Variants in CACNG3 observed in about 807,000 individuals in gnomAD.
The protein encoded by CACNG3 is voltage-dependent calcium channel gamma-3 subunit.
A neutral mutation model predicts 28.5 loss-of-function variants in CACNG3; 3 were observed. The observed-to-expected ratio is 0.11, with a 90% CI of 0.05 to 0.27. CACNG3 has a LOEUF of 0.27. CACNG3 is among the 10% of genes least tolerant of loss of function. CACNG3 has a pLI of 1.00. For synonymous variants in CACNG3, 174 were observed against 162.2 expected (o/e 1.07, Z -0.55); for missense variants, 236 against 414.4 (o/e 0.57, Z 3.74).
At chr16:24,289,663 A>G (rs1479039709) in intron 1 of CACNG3, among the ~76,000 whole-genome samples, 1 of 152,188 alleles carries the variant, frequency 6.6e-6, no homozygotes, top group Non-Finnish European at 1.5e-5. Flanking sequence ...GGGGTAGTCC[A>G]TGAAGGTACC....
chr16:24,319,019 T>C (rs933820129), intron 1 of CACNG3, among the ~76,000 whole-genome samples: 1 of 152,226 alleles, frequency 6.6e-6, no homozygotes, highest in Non-Finnish European at 1.5e-5. Flanking sequence ...TTTGTTTTCA[T>C]TGTGTTTATT....
chr16:24,296,977 G>A (rs982627522), intron 1 of CACNG3, among the ~76,000 whole-genome samples: 2 of 152,112 alleles, frequency 1.3e-5, no homozygotes, highest in Non-Finnish European at 2.9e-5. Context: ...TAAAAATATT[G>A]ACGTTAGTTG....
At chr16:24,307,588 A>G (rs1452914340) in intron 1 of CACNG3, among the ~76,000 whole-genome samples, 1 of 152,132 alleles carries the variant, frequency 6.6e-6, no homozygotes, top group Non-Finnish European at 1.5e-5. Flanking sequence ...CTGGTATGCA[A>G]ATCTCTGTCC....
chr16:24,322,601 A>G (rs866877122), intron 1 of CACNG3, among the ~76,000 whole-genome samples: 2 of 152,232 alleles, frequency 1.3e-5, no homozygotes, highest in Middle Eastern at 3.4e-3. Context: ...AAGAAAAAAA[A>G]AGTAAAACTC....
At chr16:24,261,045 T>A (rs2040730) in intron 1 of CACNG3, among the ~76,000 whole-genome samples, 11,414 of 152,240 alleles carry the variant, frequency 0.075, 1,057 homozygotes, top group East Asian at 0.3. Context: ...CCCATTTCCA[T>A]AACAACAGTT....
rs1567217503 is a variant in CACNG3 at position 24,317,621 on chromosome 16, AGAAAGACAGAC to A, written c.212-29112_212-29102del. 1.4e-3 allele frequency among the ~76,000 whole-genome samples: 83 copies of A among 61,366 alleles called. 1 individual carries two copies. The highest frequency in any genetic ancestry group is 4.0e-3 in the African/African-American group (57 of 14,148). The allele number at this position is 61,366 out of a possible 152,430, so 40.3% of individuals were successfully genotyped here. On this transcript the variant is annotated intron_variant, in intron 1 of 3. Transcript: ENST00000005284. ...AAGAAAGAAAGAAAGAAAGAAAGAA[AGAAAGACAGAC>A]AGAAAGAAAGAAAAGAAAAGAAAGA...
At chr16:24,270,483 A>G (rs1300915919) in intron 1 of CACNG3, among the ~76,000 whole-genome samples, 2 of 152,240 alleles carry the variant, frequency 1.3e-5, no homozygotes, top group African/African-American at 4.8e-5. Flanking sequence ...TCAAGAGGCA[A>G]TGATGTTAAT....
At chr16:24,316,067 G>T (rs187312548) in intron 1 of CACNG3, among the ~76,000 whole-genome samples, 1 of 152,070 alleles carries the variant, frequency 6.6e-6, no homozygotes, top group Non-Finnish European at 1.5e-5. Flanking sequence ...TAGTGAGCCC[G>T]TATTATTATT....
At chr16:24,322,695 C>T (rs1899480888) in intron 1 of CACNG3, among the ~76,000 whole-genome samples, 1 of 152,150 alleles carries the variant, frequency 6.6e-6, no homozygotes. Flanking sequence ...CCTCCCCAAC[C>T]CACAGAGGTT....
rs72781868 is a variant in CACNG3, at chr16:24,352,166, G to A, written c.296-2667G>A. On this transcript the variant is annotated intron_variant, in intron 2 of 3. Coordinates refer to ENST00000005284, the MANE Select transcript of CACNG3 (RefSeq NM_006539.4). ...AAACTGAAAACACAAACAAGCAAAC[G>A]AATGAAAGTGCAGTACCAAATGAAA... 9.9e-3 allele frequency among the ~76,000 whole-genome samples: 1,507 copies of A among 151,880 alleles called. 9 individuals carry two copies. Among genetic ancestry groups the A allele is most frequent in the Non-Finnish European group, 0.015 (1,019 of 67,936 alleles).
chr16:24,317,620 AAGAAAG>A (rs1899382160), intron 1 of CACNG3, among the ~76,000 whole-genome samples: 1 of 60,426 alleles, frequency 1.7e-5, no homozygotes, highest in Non-Finnish European at 3.3e-5. Context: ...GAAAGAAAGA[AAGAAAG>A]ACAGACAGAA....
chr16:24,315,523 T>C (rs987910296), intron 1 of CACNG3, among the ~76,000 whole-genome samples: 4 of 151,424 alleles, frequency 2.6e-5, no homozygotes, highest in African/African-American at 9.7e-5. Context: ...TTTTCCTTCT[T>C]TCTTTCTTTC....
intron 1 of CACNG3, among the ~76,000 whole-genome samples, chr16:24,321,416 G>A (rs1899456327): frequency 6.6e-6 from 1 of 152,070 alleles, no homozygotes; most frequent in Non-Finnish European, 1.5e-5. Flanking sequence ...ACTCCCGCCT[G>A]GGCAATGGAG....
chr16:24,298,718 A>G (rs187890783), intron 1 of CACNG3, among the ~76,000 whole-genome samples: 15 of 152,260 alleles, frequency 9.9e-5, no homozygotes, highest in Admixed American at 9.8e-4. Flanking sequence ...CTGATCCAGG[A>G]TCCCATATTA....
chr16:24,308,863 A>AG (rs1899223017), intron 1 of CACNG3, among the ~76,000 whole-genome samples: 1 of 149,448 alleles, frequency 6.7e-6, no homozygotes, highest in Non-Finnish European at 1.5e-5. Context: ...AAAAAAAAAA[A>AG]AAAAGAAAAG....
intron 1 of CACNG3, among the ~76,000 whole-genome samples, chr16:24,289,711 C>G (rs572552671): frequency 1.3e-5 from 2 of 152,300 alleles, no homozygotes; most frequent in South Asian, 4.2e-4. Flanking sequence ...ACAGCACGCT[C>G]TGTGGCACTA....
At chr16:24,356,953 C>T (rs947023165) in intron 3 of CACNG3, among the ~76,000 whole-genome samples, 10 of 151,606 alleles carry the variant, frequency 6.6e-5, no homozygotes, top group Non-Finnish European at 1.2e-4. Context: ...GAGAACTCCC[C>T]TTTATAAAAT....
intron 1 of CACNG3, among the ~76,000 whole-genome samples, chr16:24,293,004 A>G (rs773651445): frequency 6.6e-6 from 1 of 152,202 alleles, no homozygotes; most frequent in Non-Finnish European, 1.5e-5. Flanking sequence ...CATTTATCCA[A>G]TCACTTGAGT....
chr16:24,301,430 A>T (rs1899110052), intron 1 of CACNG3, among the ~76,000 whole-genome samples: 1 of 152,260 alleles, frequency 6.6e-6, no homozygotes, highest in South Asian at 2.1e-4. Context: ...TGAACAAACC[A>T]CTAAAGGCAA....
Sources: allele counts gnomAD v4.1 joint callset (sites outside exome capture counted in the v4.1 genomes callset), GRCh38; gene constraint gnomAD v4.1.1; transcripts MANE v1.5; gene names NCBI Gene and HGNC (gene_info 2026-07-23, HGNC 2026-07-21).